Variants in GALNT18 observed in about 807,000 individuals in gnomAD.
GALNT18 encodes the protein GalNAc-transferase 18.
A neutral mutation model predicts 69.5 loss-of-function variants in GALNT18; 44 were observed. The observed-to-expected ratio is 0.63, with a 90% CI of 0.50 to 0.81. The LOEUF (loss-of-function observed/expected upper bound fraction) is 0.81, where lower values mean the gene tolerates loss of function less well. Ranked by LOEUF, GALNT18 falls within the 40% of genes least tolerant of loss-of-function variation. The probability of loss-of-function intolerance (pLI) is 0.00; values close to 1 mark genes in which losing one functional copy is unlikely to be tolerated. For synonymous variants in GALNT18, 364 were observed against 318.2 expected (o/e 1.14, Z -1.53); for missense variants, 715 against 810.0 (o/e 0.88, Z 1.42).
intron 3 of GALNT18, among the ~76,000 whole-genome samples, chr11:11,401,597 T>C (rs1854468625): frequency 6.6e-6 from 1 of 152,258 alleles, no homozygotes; most frequent in Admixed American, 6.5e-5. Context: ...GGGATTCCTC[T>C]ACTAGGGAAT....
intron 1 of GALNT18, among the ~76,000 whole-genome samples, chr11:11,509,531 T>A (rs1857128373): frequency 6.6e-6 from 1 of 152,138 alleles, no homozygotes; most frequent in African/African-American, 2.4e-5. Flanking sequence ...AGGCCTAGCA[T>A]CATGTGCTAT....
chr11:11,328,266 T>C (rs753703880), intron 8 of GALNT18, among the ~76,000 whole-genome samples: 15 of 152,214 alleles, frequency 9.9e-5, no homozygotes, highest in Non-Finnish European at 2.2e-4. Context: ...TAAGAGTCTG[T>C]GGTACCTTTA....
chr11:11,393,546 C>T (rs1854246835), intron 3 of GALNT18, among the ~76,000 whole-genome samples: 1 of 152,244 alleles, frequency 6.6e-6, no homozygotes, highest in Admixed American at 6.5e-5. Context: ...ATGTGGGCTT[C>T]CTTGCTCTCC....
Position 11,459,458 on chromosome 11 carries a change from G to C in GALNT18, c.236-10522C>G, listed in dbSNP as rs999512620. Among the ~76,000 whole-genome samples, 1 of 152,182 alleles carries C rather than the reference G, an allele frequency of 6.6e-6. No individual in the cohort carries two copies. Among genetic ancestry groups the C allele is most frequent in the Non-Finnish European group, 1.5e-5 (1 of 68,032 alleles). On this transcript the variant is annotated intron_variant, in intron 1 of 10. Coordinates refer to ENST00000227756, the MANE Select transcript of GALNT18 (RefSeq NM_198516.3). This position sits in a 1 kb window ranked among gnomAD's most constrained non-coding sequence, Gnocchi z 5.0. Reference sequence around the variant, plus strand: ...CTGAACAGTGTTGCAGGGAAGAAGAGAGGCTTCTTCAGGGTGCCTCAGCCC... The same window carrying C: ...CTGAACAGTGTTGCAGGGAAGAAGACAGGCTTCTTCAGGGTGCCTCAGCCC...
rs1859221802 is a variant in GALNT18, at chr11:11,586,237, C to CA, written c.235+35121dup. 6.6e-6 allele frequency among the ~76,000 whole-genome samples: 1 copy of CA among 152,062 alleles called. No homozygotes were observed. The highest frequency in any genetic ancestry group is 6.5e-5 in the Admixed American group (1 of 15,276). On this transcript the variant is annotated intron_variant, in intron 1 of 10. Transcript: ENST00000227756. This position sits in a 1 kb window ranked among gnomAD's most constrained non-coding sequence, Gnocchi z 4.1. The stretch of plus-strand genomic sequence containing the variant: ...ACCAAGAGTCTGTAGTTCTTTTTCA[C>CA]AAAAAGTGTGCTACTTATGTTAATT...
chr11:11,563,454 G>A lies in GALNT18; in HGVS notation c.235+57905C>T, dbSNP rs1417876493. Among the ~76,000 whole-genome samples the A allele has an allele frequency of 3.3e-5, 5 of 152,176 alleles. No individual in the cohort carries two copies. In the East Asian group the frequency reaches 9.6e-4, roughly 29 times the overall value. On this transcript the variant is annotated intron_variant, in intron 1 of 10. Coordinates refer to ENST00000227756, the MANE Select transcript of GALNT18 (RefSeq NM_198516.3). This position sits in a 1 kb window ranked among gnomAD's most constrained non-coding sequence, Gnocchi z 4.6. ...TTCCAGCTGGGAGTCTCACCATGAA[G>A]GGCCCCACAAGTAGTTTCCAACTTG...
chr11:11,519,641 G>C (rs1857352203), intron 1 of GALNT18, among the ~76,000 whole-genome samples: 1 of 152,164 alleles, frequency 6.6e-6, no homozygotes, highest in African/African-American at 2.4e-5. Flanking sequence ...CCCATCAACT[G>C]CCTTATCTCC....
chr11:11,501,821 C>A (rs1856978531), intron 1 of GALNT18, among the ~76,000 whole-genome samples: 1 of 152,222 alleles, frequency 6.6e-6, no homozygotes, highest in Non-Finnish European at 1.5e-5. Context: ...AGATGCCTGT[C>A]CTTTTTCCAT....
rs1412575908 is a variant in GALNT18, at chr11:11,500,863, T to C, written c.236-51927A>G. 6.6e-6 allele frequency among the ~76,000 whole-genome samples: 1 copy of C among 152,174 alleles called. No homozygotes were observed. The highest frequency in any genetic ancestry group is 1.9e-4 in the East Asian group (1 of 5,184). ...CCCCAAACCTGGGAGTTCCTTTCCT[T>C]CCCTGTCTTTTTGCAGAGCCGTGCT... On this transcript the variant is annotated intron_variant, in intron 1 of 10. Transcript: ENST00000227756. This position sits in a 1 kb window ranked among gnomAD's most constrained non-coding sequence, Gnocchi z 5.0.
intron 1 of GALNT18, among the ~76,000 whole-genome samples, chr11:11,478,794 G>A (rs530698632): frequency 9.2e-5 from 14 of 151,540 alleles, no homozygotes; most frequent in East Asian, 1.9e-4. Context: ...CCTGCAAGCC[G>A]CGTTTCTCAA....
rs952095976 is a variant in GALNT18 at position 11,600,828 on chromosome 11, A to G, written c.235+20531T>C. Among the ~76,000 whole-genome samples the G allele has an allele frequency of 1.3e-5, 2 of 151,776 alleles. No individual in the cohort carries two copies. The highest frequency in any genetic ancestry group is 1.3e-4 in the Admixed American group (2 of 15,250). ...TCTAAAGCTCTGCATATTTTTATTC[A>G]TTCTCTTTTTCTCTTTTTTTCAGAT... is the stretch of plus-strand genomic sequence containing the variant. On this transcript the variant is annotated intron_variant, in intron 1 of 10. Transcript: ENST00000227756. The surrounding 1 kb of genome is among the most constrained non-coding windows in gnomAD (Gnocchi z 4.8).
rs1478324766 is a variant in GALNT18, at chr11:11,562,334, C to T, written c.235+59025G>A. On this transcript the variant is annotated intron_variant, in intron 1 of 10. Transcript: ENST00000227756. The surrounding 1 kb of genome is among the most constrained non-coding windows in gnomAD (Gnocchi z 4.1). ...GTCTGTCTGCGTGTCCATGTTTCCC[C>T]TTTAGATGTGCACACCCGTCATATT... 6.6e-6 allele frequency among the ~76,000 whole-genome samples: 1 copy of T among 152,140 alleles called. No individual in the cohort carries two copies. Among genetic ancestry groups the T allele is most frequent in the East Asian group, 1.9e-4 (1 of 5,192 alleles).
intron 1 of GALNT18, among the ~76,000 whole-genome samples, chr11:11,517,605 A>G (rs1857309504): frequency 6.6e-6 from 1 of 152,114 alleles, no homozygotes; most frequent in African/African-American, 2.4e-5. Context: ...GGCTGTACAG[A>G]TCTGGCCTGT....
At chr11:11,545,980 C>T (rs186806367) in intron 1 of GALNT18, among the ~76,000 whole-genome samples, 2 of 152,280 alleles carry the variant, frequency 1.3e-5, no homozygotes, top group African/African-American at 4.8e-5. Flanking sequence ...AAGAACAGAG[C>T]TAACTTCTCC....
Position 11,422,621 on chromosome 11 carries a change from G to T in GALNT18, c.595+10000C>A, listed in dbSNP as rs76732600. ...ATTCTTTTCCTCTGTTTTTTTTGTT[G>T]TTTTTTTTTTTTTAACTTTTGCAAT... On this transcript the variant is annotated intron_variant, in intron 3 of 10. Transcript: ENST00000227756. 8.7e-3 allele frequency among the ~76,000 whole-genome samples: 1,233 copies of T among 142,142 alleles called. 8 individuals carry two copies. Among genetic ancestry groups the T allele is most frequent in the Middle Eastern group, 0.022 (6 of 268 alleles). The allele number at this position is 142,142 out of a possible 152,430, so 93.3% of individuals were successfully genotyped here. A position where few individuals can be genotyped will look rare whatever the true frequency, so the allele number is the denominator to read the frequency against.
chr11:11,331,114 A>C (rs1459826811), intron 8 of GALNT18, among the ~76,000 whole-genome samples: 1 of 152,184 alleles, frequency 6.6e-6, no homozygotes, highest in Non-Finnish European at 1.5e-5. Context: ...TGGGGAGGTG[A>C]ATGGGACAGA....
intron 1 of GALNT18, among the ~76,000 whole-genome samples, chr11:11,456,988 A>G (rs1855938356): frequency 6.6e-6 from 1 of 152,240 alleles, no homozygotes; most frequent in African/African-American, 2.4e-5. Context: ...GCTTTGAGCA[A>G]TGAATGCAAC....
Position 11,448,791 on chromosome 11 carries a change from G to A in GALNT18, c.381C>T (p.Ser127=), listed in dbSNP as rs149900570. ...FQYYGYNAYL[S]DRLPLDRPLP... is the part of the protein sequence containing the mutation. ...GGGGCCGGTCCAGGGGCAGGCGGTC[G>A]CTGAGGTAGGCGTTGTAGCCGTAGT... The change falls in exon 2 of 11, where the codon AGC becomes AGT. Residue 127 remains serine (S), a synonymous_variant. Coordinates refer to ENST00000227756, the MANE Select transcript of GALNT18 (RefSeq NM_198516.3). 8.8e-4 allele frequency: 1,416 copies of A among 1,612,852 alleles called. 12 individuals are homozygous for A. The African/African-American group carries it at 0.016, about 18-fold the overall frequency.
chr11:11,553,171 G>C (rs186341485), intron 1 of GALNT18, among the ~76,000 whole-genome samples: 4 of 152,124 alleles, frequency 2.6e-5, no homozygotes, highest in Admixed American at 6.5e-5. Context: ...AGGTGACTCC[G>C]ACCTACTCTC....
Sources: allele counts gnomAD v4.1 joint callset (sites outside exome capture counted in the v4.1 genomes callset), GRCh38; gene constraint gnomAD v4.1.1; non-coding constraint Gnocchi (gnomAD v3.1); transcripts MANE v1.5; gene names NCBI Gene and HGNC (gene_info 2026-07-23, HGNC 2026-07-21).